The following TEX9 variants were observed in gnomAD, a reference collection of about 807,000 sequenced individuals.
TEX9 encodes the protein testis expressed 9.
In TEX9, 74 loss-of-function variants were observed where a neutral mutation model predicts 59.6. That is an observed-to-expected ratio of 1.24 (90% CI 1.03 to 1.51). The LOEUF (loss-of-function observed/expected upper bound fraction) is 1.51. Among genes scored for constraint, TEX9 ranks in the 40% most tolerant of loss-of-function variants. The pLI is 0.00. For synonymous variants in TEX9, 186 were observed against 152.2 expected (o/e 1.22, Z -1.64); for missense variants, 522 against 447.8 (o/e 1.17, Z -1.49).
At chr15:56,442,780 C>T (rs1054523923) in intron 12 of TEX9, among the ~76,000 whole-genome samples, 5 of 152,018 alleles carry the variant, frequency 3.3e-5, no homozygotes, top group African/African-American at 7.2e-5. Flanking sequence ...AACTACCTAT[C>T]GAGTACTATG....
At chr15:56,360,168 A>G (rs1044278983) in intron 1 of TEX9, among the ~76,000 whole-genome samples, 3 of 152,182 alleles carry the variant, frequency 2.0e-5, no homozygotes, top group Non-Finnish European at 4.4e-5. Context: ...ATCTATATTC[A>G]TGAGGGATAT....
chr15:56,245,406 C>T (rs1596038291), intron 1 of TEX9, among the ~76,000 whole-genome samples: 1 of 152,216 alleles, frequency 6.6e-6, no homozygotes, highest in Non-Finnish European at 1.5e-5. Flanking sequence ...ACCCATTGCA[C>T]GAGTTGCATC....
At chr15:56,313,221 G>A (rs1292711627) in intron 1 of TEX9, among the ~76,000 whole-genome samples, 1 of 141,104 alleles carries the variant, frequency 7.1e-6, no homozygotes, top group African/African-American at 2.6e-5. Context: ...CCTGTCTTGT[G>A]CCAGTTTTCA....
At chr15:56,300,712 A>G (rs58623319) in intron 1 of TEX9, among the ~76,000 whole-genome samples, 38,051 of 95,984 alleles carry the variant, frequency 0.4, 5,196 homozygotes, top group Middle Eastern at 0.51. Context: ...AGAGAGGGAG[A>G]GAGAGAGAGA....
chr15:56,381,395 G>T (rs945316241), intron 3 of TEX9, among the ~76,000 whole-genome samples: 5 of 152,018 alleles, frequency 3.3e-5, no homozygotes, highest in African/African-American at 7.3e-5. Context: ...TCCAGGATTG[G>T]TCTCTGGTGT....
At chr15:56,340,861 T>C (rs1596103295) in intron 1 of TEX9, among the ~76,000 whole-genome samples, 1 of 152,138 alleles carries the variant, frequency 6.6e-6, no homozygotes, top group East Asian at 1.9e-4. Context: ...TCTGCCTATT[T>C]AAAACTTCTG....
At chr15:56,296,985 G>T (rs1407996085) in intron 1 of TEX9, among the ~76,000 whole-genome samples, 2 of 152,094 alleles carry the variant, frequency 1.3e-5, no homozygotes, top group Non-Finnish European at 2.9e-5. Context: ...GTTGAAATAA[G>T]AATTTTTGAT....
At chr15:56,319,231 C>G (rs1567084183) in intron 1 of TEX9, among the ~76,000 whole-genome samples, 2 of 151,866 alleles carry the variant, frequency 1.3e-5, no homozygotes, top group South Asian at 4.2e-4. Context: ...TTCAAAACGT[C>G]TTGACCATTT....
chr15:56,326,297 T>G (rs2046018114), intron 1 of TEX9, among the ~76,000 whole-genome samples: 1 of 152,168 alleles, frequency 6.6e-6, no homozygotes, highest in South Asian at 2.1e-4. Context: ...CTTGCGTGTA[T>G]CAGCCTTTTG....
intron 12 of TEX9, chr15:56,434,543 A>C: frequency 1.2e-6 from 1 of 859,796 alleles, no homozygotes; most frequent in Non-Finnish European, 1.7e-6. Flanking sequence ...AACTTTGTCC[A>C]TCCCTTTAAA....
At chr15:56,441,755 C>T (rs2050817769) in intron 12 of TEX9, among the ~76,000 whole-genome samples, 1 of 152,200 alleles carries the variant, frequency 6.6e-6, no homozygotes, top group Non-Finnish European at 1.5e-5. Flanking sequence ...TGGCTCACAC[C>T]TCTAATCCCA....
At chr15:56,383,977 G>A (rs766938155) in exon 4 of TEX9, 3 of 1,612,108 alleles carry the variant, frequency 1.9e-6, no homozygotes, top group African/African-American at 1.3e-5. Context: ...GTACGATCTA[G>A]GCCTGTTTCA....
At chr15:56,363,720 C>A (rs1330546206), upstream of TEX9, among the ~76,000 whole-genome samples, 1 of 151,500 alleles carries the variant, frequency 6.6e-6, no homozygotes, top group Non-Finnish European at 1.5e-5. Context: ...GGCTAGAGTG[C>A]AGTGGTGTGA....
At chr15:56,418,517 G>T (rs1001505566) in intron 10 of TEX9, among the ~76,000 whole-genome samples, 1 of 151,028 alleles carries the variant, frequency 6.6e-6, no homozygotes, top group Non-Finnish European at 1.5e-5. Context: ...TGGGCGTGGT[G>T]GTGGGCGCCT....
At position 56,346,951 on chromosome 15, in the gene TEX9, A is replaced by G. The variant is rs548504542; in HGVS notation, c.-106-26490A>G. On this transcript the variant is annotated intron_variant, in intron 1 of 5. Coordinates refer to the TEX9 transcript ENST00000560827. ...TACTAGCAATGAACACTTGGGCTCC[A>G]AGAGTAAAAATATGATACCATTTAC... Among the ~76,000 whole-genome samples the G allele has an allele frequency of 1.1e-3, 166 of 152,330 alleles. 1 individual carries two copies. The highest frequency in any genetic ancestry group is 3.7e-3 in the African/African-American group (152 of 41,584).
intron 2 of TEX9, among the ~76,000 whole-genome samples, chr15:56,367,758 G>A (rs1260234443): frequency 6.6e-6 from 1 of 151,982 alleles, no homozygotes; most frequent in Non-Finnish European, 1.5e-5. Flanking sequence ...AAATTCTTGC[G>A]TATATAATTT....
At chr15:56,364,466 CTT>C (rs55845567), upstream of TEX9, among the ~76,000 whole-genome samples, 28 of 139,462 alleles carry the variant, frequency 2.0e-4, no homozygotes, top group Non-Finnish European at 1.6e-4. Context: ...TTTTTCTTTT[CTT>C]TTTTTTTTTT....
intron 1 of TEX9, among the ~76,000 whole-genome samples, chr15:56,334,588 T>C (rs1254724809): frequency 1.3e-5 from 2 of 152,090 alleles, no homozygotes; most frequent in Non-Finnish European, 2.9e-5. Context: ...GAACATTGGT[T>C]TGGGCAAAAA....
the TEX9 span, among the ~76,000 whole-genome samples, chr15:56,452,680 G>A: frequency 4.2e-4 from 63 of 151,784 alleles, no homozygotes; most frequent in Non-Finnish European, 4.9e-4. Flanking sequence ...CACCAGGCCC[G>A]GCTAATTTTT....
Sources: gnomAD v4.1 joint callset for allele counts (sites outside exome capture counted in the v4.1 genomes callset) on GRCh38, gnomAD v4.1.1 for gene constraint, MANE v1.5 for transcripts, NCBI Gene and HGNC (gene_info 2026-07-23, HGNC 2026-07-21) for gene names.